The following IQANK1 variants were observed in gnomAD, a reference collection of about 807,000 sequenced individuals.
IQANK1 encodes IQ motif and ankyrin repeat domain-containing protein 1.
Under a neutral mutation model 22.6 loss-of-function variants are expected in IQANK1, and 30 were observed. The ratio of observed to expected loss-of-function variants is 1.33; its 90% confidence interval spans 0.99 to 1.80. IQANK1 has a LOEUF of 1.80. IQANK1 is among the 40% of genes most tolerant of loss of function. The probability of loss-of-function intolerance (pLI) is 0.00; values close to 1 mark genes in which losing one functional copy is unlikely to be tolerated. For missense variants in IQANK1, 275 were observed against 235.2 expected (o/e 1.17, Z -1.11); for synonymous variants, 122 against 99.6 (o/e 1.23, Z -1.34).
intron 3 of IQANK1, among the ~76,000 whole-genome samples, chr8:143,761,915 A>G (rs1306053190): frequency 6.6e-6 from 1 of 151,882 alleles, no homozygotes; most frequent in African/African-American, 2.4e-5. Context: ...CTCCCTCTAT[A>G]GGACATATAT....
In IQANK1 at chr8:143,758,951, A is replaced by C. The variant is rs1165953242; in HGVS notation, c.176-12537A>C. ...CCCCAGGAGATGAGCTCCTCGCCCAAGCTGGAGAGCATCCGCTGCACCCGC... is the reference window on the plus strand; with the variant it reads ...CCCCAGGAGATGAGCTCCTCGCCCACGCTGGAGAGCATCCGCTGCACCCGC... On this transcript the variant is annotated intron_variant, in intron 3 of 13. Coordinates refer to ENST00000527139, the MANE Select transcript of IQANK1 (RefSeq NM_001381874.1). The surrounding 1 kb of genome is among the most constrained non-coding windows in gnomAD (Gnocchi z 4.2). The C allele has an allele frequency of 1.1e-5, 2 of 174,276 alleles. No homozygotes were observed. The highest frequency in any genetic ancestry group is 2.5e-5 in the Non-Finnish European group (2 of 81,378). The allele number at this position is 174,276 out of a possible 1,614,324, so 10.8% of individuals were successfully genotyped here.
At chr8:143,743,062 G>C (rs1818956803) in intron 3 of IQANK1, 1 of 455,812 alleles carries the variant, frequency 2.2e-6, no homozygotes, top group African/African-American at 2.0e-5. Context: ...GTGTCCCGTT[G>C]CTGCTATAGC....
Position 143,789,760 on chromosome 8 carries a change from G to A in IQANK1, c.1087-1G>A. 2 of 1,232,060 alleles carry A rather than the reference G, an allele frequency of 1.6e-6. No individual in the cohort carries two copies. The highest frequency in any genetic ancestry group is 8.2e-5 in the South Asian group (2 of 24,322). The allele number at this position is 1,232,060 out of a possible 1,614,324, so 76.3% of individuals were successfully genotyped here. On this transcript the variant is annotated splice_acceptor_variant, in intron 10 of 13. Coordinates refer to ENST00000527139, the MANE Select transcript of IQANK1 (RefSeq NM_001381874.1). LOFTEE classifies it high-confidence loss of function. ...CAAGTCAGTGTGGCCTCCTCCTCCAGGCCATCAAGGACACAGAGGCCCAGG... is the reference window on the plus strand; with the variant it reads ...CAAGTCAGTGTGGCCTCCTCCTCCAAGCCATCAAGGACACAGAGGCCCAGG...
intron 3 of IQANK1, 58 bp downstream of exon 3, chr8:143,740,006 G>T (rs993977677): frequency 1.5e-6 from 1 of 651,514 alleles, no homozygotes; most frequent in Non-Finnish European, 2.8e-6. Flanking sequence ...TTGGCAGGGG[G>T]GTGCCCTGGC....
chr8:143,735,622 G>A lies in IQANK1; in HGVS notation c.-4-228G>A, dbSNP rs563136016. 1.3e-5 allele frequency among the ~76,000 whole-genome samples: 2 copies of A among 152,236 alleles called. No individual in the cohort carries two copies. Among genetic ancestry groups the A allele is most frequent in the South Asian group, 4.1e-4 (2 of 4,824 alleles). Reference sequence around the variant, plus strand: ...GGGGCAGGCAAGCCACGGCCAGGGGGACGGGAGGTGGCCAAGTGCTCTTGC... The same window carrying A: ...GGGGCAGGCAAGCCACGGCCAGGGGAACGGGAGGTGGCCAAGTGCTCTTGC... On this transcript the variant is annotated intron_variant, in intron 1 of 13. Transcript: ENST00000527139. This position sits in a 1 kb window ranked among gnomAD's most constrained non-coding sequence, Gnocchi z 5.2.
At chr8:143,785,381 C>T (rs1344088974) in intron 7 of IQANK1, among the ~76,000 whole-genome samples, 3 of 151,040 alleles carry the variant, frequency 2.0e-5, no homozygotes, top group Admixed American at 6.6e-5. Context: ...CTCAGCCTCC[C>T]GAGTAGCTGG....
intron 3 of IQANK1, among the ~76,000 whole-genome samples, chr8:143,769,544 A>C (rs1030810177): frequency 6.6e-6 from 1 of 152,076 alleles, no homozygotes; most frequent in Non-Finnish European, 1.5e-5. Flanking sequence ...ATGTCCCCCA[A>C]ATTGCATCCT....
intron 7 of IQANK1, among the ~76,000 whole-genome samples, chr8:143,783,362 A>C (rs188373641): frequency 2.3e-4 from 35 of 152,318 alleles, no homozygotes; most frequent in Admixed American, 2.0e-3. Flanking sequence ...ACTCTTAGGC[A>C]TATTAGCCCC....
In IQANK1 at chr8:143,771,965, G is replaced by C; in HGVS notation, c.471G>C (p.Glu157Asp). 1.4e-5 allele frequency: 2 copies of C among 148,092 alleles called. No individual in the cohort carries two copies. Among genetic ancestry groups the C allele is most frequent in the Non-Finnish European group, 2.9e-5 (2 of 68,880 alleles). The allele number at this position is 148,092 out of a possible 1,614,324, so 9.2% of individuals were successfully genotyped here. A position where few individuals can be genotyped will look rare whatever the true frequency, so the allele number is the denominator to read the frequency against. The change falls in exon 5 of 14, where the codon GAG (glutamate) becomes GAC (aspartate). Residue 157 changes from glutamate (E) to aspartate (D), a missense_variant and splice_region_variant. Glu to Asp is a conservative substitution (Grantham distance 45). Transcript: ENST00000527139. This position sits in a 1 kb window ranked among gnomAD's most constrained non-coding sequence, Gnocchi z 6.0. ...GCGAGATCCGGGCGGTGCTGAAGGA[G>C]GTCAGCGGGGGCGGGAGGAGGACGA... ...DVGEIRAVLK[E>D]VEQLLTREGV...
intron 3 of IQANK1, among the ~76,000 whole-genome samples, chr8:143,763,317 C>A (rs1051446119): frequency 6.6e-6 from 1 of 152,190 alleles, no homozygotes. Context: ...CCCGGCCTGG[C>A]TTTTCTTATA....
chr8:143,742,806 G>C (rs1554626764), intron 3 of IQANK1: 1 of 456,090 alleles, frequency 2.2e-6, no homozygotes, highest in South Asian at 1.5e-5. Flanking sequence ...ACCTTAGCCA[G>C]CAGCCCTGGG....
In IQANK1 at chr8:143,735,352, C is replaced by T. The variant is rs1216571080; in HGVS notation, c.-4-498C>T. On this transcript the variant is annotated intron_variant, in intron 1 of 13. Coordinates refer to ENST00000527139, the MANE Select transcript of IQANK1 (RefSeq NM_001381874.1). This position sits in a 1 kb window ranked among gnomAD's most constrained non-coding sequence, Gnocchi z 5.2. Reference sequence around the variant, plus strand: ...GCCTGACACCACCATCTGCCAGAGCCGGGACCACATAAGGTCTGAGGGTGT... The same window carrying T: ...GCCTGACACCACCATCTGCCAGAGCTGGGACCACATAAGGTCTGAGGGTGT... 1.3e-5 allele frequency among the ~76,000 whole-genome samples: 2 copies of T among 152,008 alleles called. No individual in the cohort carries two copies. The highest frequency in any genetic ancestry group is 2.9e-5 in the Non-Finnish European group (2 of 68,004).
chr8:143,739,838 C>A (rs994029948), intron 2 of IQANK1, 21 bp from the exon 3 acceptor site: 54 of 688,736 alleles, frequency 7.8e-5, no homozygotes, highest in Non-Finnish European at 1.3e-4. Context: ...CCCAAGCTCA[C>A]TGACGGTCGT....
chr8:143,761,342 C>T (rs1819394051), intron 3 of IQANK1, among the ~76,000 whole-genome samples: 1 of 152,236 alleles, frequency 6.6e-6, no homozygotes. Context: ...GGAAGCTGCG[C>T]GCGGACGCGA....
intron 3 of IQANK1, among the ~76,000 whole-genome samples, chr8:143,743,324 A>C (rs1315190404): frequency 6.6e-6 from 1 of 152,126 alleles, no homozygotes; most frequent in East Asian, 1.9e-4. Context: ...TGCAACCTCC[A>C]ACTGCTGGGC....
chr8:143,777,489 C>A lies in IQANK1; in HGVS notation c.789+5007C>A, dbSNP rs1180515726. Among the ~76,000 whole-genome samples, 22 of 147,174 alleles carry A rather than the reference C, an allele frequency of 1.5e-4. No individual in the cohort carries two copies. In the East Asian group the frequency reaches 3.8e-3, roughly 26 times the overall value. ...TGAGCTGAGATCATGCCACTGCACT[C>A]CAGCCTGGGCGACAGAACAAGACTC... On this transcript the variant is annotated intron_variant, in intron 7 of 13. Transcript: ENST00000527139.
At chr8:143,752,995 C>CAT (rs1563771948) in intron 3 of IQANK1, among the ~76,000 whole-genome samples, 20 of 74,742 alleles carry the variant, frequency 2.7e-4, no homozygotes, top group African/African-American at 9.1e-4. Flanking sequence ...ACTCTCTGTT[C>CAT]GTTTTTTTTT....
In IQANK1 at chr8:143,760,187, G is replaced by A. The variant is rs1044477714; in HGVS notation, c.176-11301G>A. Among the ~76,000 whole-genome samples, 6 of 152,162 alleles carry A rather than the reference G, an allele frequency of 3.9e-5. 1 individual carries two copies. The highest frequency in any genetic ancestry group is 2.6e-4 in the Admixed American group (4 of 15,270). Reference sequence around the variant, plus strand: ...GTGGCTCCCGTGGGGAAGGCTGGGAGGGCAAGTCCTGCACACCTGAGAGCC... The same window carrying A: ...GTGGCTCCCGTGGGGAAGGCTGGGAAGGCAAGTCCTGCACACCTGAGAGCC... On this transcript the variant is annotated intron_variant, in intron 3 of 13. Transcript: ENST00000527139.
At chr8:143,760,119 C>T (rs1277057880) in intron 3 of IQANK1, among the ~76,000 whole-genome samples, 2 of 152,112 alleles carry the variant, frequency 1.3e-5, no homozygotes, top group Non-Finnish European at 2.9e-5. Context: ...GCCCTGAAAG[C>T]GCAGGATGTC....
Sources: allele counts gnomAD v4.1 joint callset (sites outside exome capture counted in the v4.1 genomes callset), GRCh38; gene constraint gnomAD v4.1.1; non-coding constraint Gnocchi (gnomAD v3.1); transcripts MANE v1.5; gene names NCBI Gene and HGNC (gene_info 2026-07-23, HGNC 2026-07-21).